The following PPP1R9A variants were observed in gnomAD, a reference collection of about 807,000 sequenced individuals.
PPP1R9A encodes protein phosphatase 1 regulatory subunit 9A, also known as neurabin-1.
In PPP1R9A, 59 loss-of-function variants were observed where a neutral mutation model predicts 141.9. That is an observed-to-expected ratio of 0.42 (90% CI 0.34 to 0.52). The LOEUF is 0.52. Ranked by LOEUF, PPP1R9A falls within the 20% of genes least tolerant of loss-of-function variation. PPP1R9A has a pLI of 0.10. For missense variants in PPP1R9A, 1,444 were observed against 1,611.9 expected, an observed-to-expected ratio of 0.90 and a Z score of 1.78; for synonymous variants, 500 against 569.7, an observed-to-expected ratio of 0.88 and a Z score of 1.74.
intron 4 of PPP1R9A, among the ~76,000 whole-genome samples, chr7:95,140,906 A>G (rs1283408289): frequency 1.3e-5 from 2 of 151,942 alleles, no homozygotes; most frequent in East Asian, 3.9e-4. Flanking sequence ...TTTTTAAAGA[A>G]GTGGGGCTTC....
intron 5 of PPP1R9A, among the ~76,000 whole-genome samples, chr7:95,186,416 A>G (rs1834661283): frequency 6.6e-6 from 1 of 152,104 alleles, no homozygotes; most frequent in Non-Finnish European, 1.5e-5. Flanking sequence ...AGCTTTTTGA[A>G]TGAGTATTTA....
At chr7:95,003,487 A>G (rs1489974608) in intron 2 of PPP1R9A, among the ~76,000 whole-genome samples, 1 of 152,166 alleles carries the variant, frequency 6.6e-6, no homozygotes, top group Non-Finnish European at 1.5e-5. Flanking sequence ...TGAGATTGTT[A>G]AGGGGATGCT....
At position 95,286,131 on chromosome 7, in the gene PPP1R9A, T is replaced by C. The variant is rs1805274147; in HGVS notation, c.3610-75T>C. ...CTAAGATTGTTTAAAAGAGCCCTTT[T>C]AGAGCTTGTAGACACACCTACCTCT... On this transcript the variant is annotated intron_variant, in intron 17 of 19. Coordinates refer to ENST00000433360, the MANE Select transcript of PPP1R9A (RefSeq NM_001166160.2). The C allele has an allele frequency of 1.9e-6, 3 of 1,572,724 alleles. No individual in the cohort carries two copies. In the Admixed American group the frequency reaches 5.3e-5, roughly 28 times the overall value.
intron 2 of PPP1R9A, among the ~76,000 whole-genome samples, chr7:94,976,531 G>A (rs180721506): frequency 2.0e-4 from 30 of 151,970 alleles, no homozygotes; most frequent in African/African-American, 4.3e-4. Context: ...TAGTGGAGAC[G>A]GGGTTTCAGT....
chr7:95,291,719 A>G lies in PPP1R9A; in HGVS notation c.*1416A>G, dbSNP rs927099059. 4.6e-5 allele frequency: 7 copies of G among 152,314 alleles called. No individual in the cohort carries two copies. Among genetic ancestry groups the G allele is most frequent in the Admixed American group, 4.6e-4 (7 of 15,294 alleles). 9.4% of individuals were successfully genotyped at this position (152,314 alleles called of 1,614,324 possible). ...TGAGGTTATCCACTTTCCAAAGGACAAGTTTCAGAATAAGACTTGAGGCCA... is the reference window on the plus strand; with the variant it reads ...TGAGGTTATCCACTTTCCAAAGGACGAGTTTCAGAATAAGACTTGAGGCCA... On this transcript the variant is annotated 3_prime_UTR_variant, in exon 20 of 20. Transcript: ENST00000433360.
At chr7:95,107,253 A>T (rs920121060) in intron 2 of PPP1R9A, among the ~76,000 whole-genome samples, 3 of 152,096 alleles carry the variant, frequency 2.0e-5, no homozygotes, top group African/African-American at 7.2e-5. Flanking sequence ...CTACTTATAC[A>T]TGCAATTGTT....
In PPP1R9A at chr7:95,293,092, C is replaced by T. The variant is rs1806588697; in HGVS notation, c.*2789C>T. The T allele has an allele frequency of 6.6e-6, 1 of 152,076 alleles. No individual in the cohort carries two copies. The highest frequency in any genetic ancestry group is 6.6e-5 in the Admixed American group (1 of 15,256). The allele number at this position is 152,076 out of a possible 1,614,324, so 9.4% of individuals were successfully genotyped here. ...GAGCTCAGTATGATTCTAACAATAG[C>T]CAAAAGTGTTTTGGGGTATAGGTTA... On this transcript the variant is annotated 3_prime_UTR_variant, in exon 20 of 20. Transcript: ENST00000433360.
At chr7:95,029,622 T>G (rs546631089) in intron 2 of PPP1R9A, among the ~76,000 whole-genome samples, 1 of 152,302 alleles carries the variant, frequency 6.6e-6, no homozygotes, top group East Asian at 1.9e-4. Flanking sequence ...ACTTAATAAC[T>G]TTGGTAAAGA....
In PPP1R9A at chr7:95,229,492, C is replaced by A. The variant is rs867062421; in HGVS notation, c.2112+3376C>A. On this transcript the variant is annotated intron_variant, in intron 8 of 19. Coordinates refer to ENST00000433360, the MANE Select transcript of PPP1R9A (RefSeq NM_001166160.2). The stretch of plus-strand genomic sequence containing the variant: ...GGGAGCAGAGTGAGGCCTATGACTT[C>A]CGGCTTTCCCCCACTTCCCTGGTGG... Among the ~76,000 whole-genome samples, 8 of 151,990 alleles carry A rather than the reference C, an allele frequency of 5.3e-5. No homozygotes were observed. The South Asian group carries it at 1.5e-3, about 28-fold the overall frequency.
intron 4 of PPP1R9A, among the ~76,000 whole-genome samples, chr7:95,160,169 AAC>A (rs1358091997): frequency 1.3e-5 from 2 of 152,080 alleles, no homozygotes; most frequent in Non-Finnish European, 2.9e-5. Context: ...CATAAGTATG[AAC>A]ACACACAAAA....
intron 2 of PPP1R9A, among the ~76,000 whole-genome samples, chr7:95,108,385 A>G (rs1819950447): frequency 7.9e-6 from 1 of 126,030 alleles, no homozygotes; most frequent in South Asian, 2.3e-4. Context: ...GCGGGAGCTC[A>G]CTGCAATCTC....
intron 2 of PPP1R9A, among the ~76,000 whole-genome samples, chr7:95,080,561 A>C (rs867660227): frequency 5.9e-5 from 9 of 152,162 alleles, no homozygotes; most frequent in African/African-American, 1.9e-4. Flanking sequence ...ACTACCAATG[A>C]CTTTCTTCAC....
In PPP1R9A at chr7:95,284,070, C is replaced by G. The variant is rs1804803104; in HGVS notation, c.3349C>G (p.Gln1117Glu). The change falls in exon 17 of 20, where the codon CAG (glutamine) becomes GAG (glutamate). Residue 1117 changes from glutamine (Q) to glutamate (E), a missense_variant. Gln to Glu is a conservative substitution (Grantham distance 29). Transcript: ENST00000433360. Reference sequence around the variant, plus strand: ...GACACCCAAGCCATGTTCAACAGCTCAGACCTCCACTCGTTCCCCTTGCAT... The same window carrying G: ...GACACCCAAGCCATGTTCAACAGCTGAGACCTCCACTCGTTCCCCTTGCAT... ...NWTPKPCSTA[Q>E]TSTRSPCMPF... The G allele has an allele frequency of 2.5e-6, 4 of 1,598,070 alleles. No individual in the cohort carries two copies. Among genetic ancestry groups the G allele is most frequent in the Non-Finnish European group, 3.4e-6 (4 of 1,178,578 alleles).
Position 95,054,114 on chromosome 7 carries a change from G to GTT in PPP1R9A, c.1396-57128_1396-57127dup, listed in dbSNP as rs368824046. Among the ~76,000 whole-genome samples the GTT allele has an allele frequency of 3.2e-3, 421 of 132,674 alleles. 4 individuals carry two copies. The highest frequency in any genetic ancestry group is 8.0e-3 in the African/African-American group (285 of 35,786). The allele number at this position is 132,674 out of a possible 152,430, so 87.0% of individuals were successfully genotyped here. ...GCTTCCTCCAGTGGTTCCCCACTGT[G>GTT]TTTTTTTTTTTTTTTTTTCTGAGAG... On this transcript the variant is annotated intron_variant, in intron 2 of 19. Transcript: ENST00000433360.
chr7:95,120,032 C>T (rs1320526997), intron 3 of PPP1R9A, among the ~76,000 whole-genome samples: 1 of 144,240 alleles, frequency 6.9e-6, no homozygotes, highest in Non-Finnish European at 1.5e-5. Context: ...TCTTGGCTCA[C>T]TGCAACCTCC....
At chr7:95,100,814 C>T (rs1174228511) in intron 2 of PPP1R9A, among the ~76,000 whole-genome samples, 7 of 146,278 alleles carry the variant, frequency 4.8e-5, no homozygotes, top group Non-Finnish European at 9.0e-5. Flanking sequence ...GAGATTAATG[C>T]TTTTGACACA....
At chr7:95,154,526 A>AT (rs35927611) in intron 4 of PPP1R9A, among the ~76,000 whole-genome samples, 1 of 152,090 alleles carries the variant, frequency 6.6e-6, no homozygotes, top group South Asian at 2.1e-4. Context: ...TTTAAGAAGA[A>AT]TTTTTTCCCT....
intron 2 of PPP1R9A, among the ~76,000 whole-genome samples, chr7:94,980,264 C>T (rs756878107): frequency 3.3e-5 from 5 of 151,998 alleles, no homozygotes; most frequent in African/African-American, 9.7e-5. Context: ...CTTTCAAAGC[C>T]ACCCTGGGCC....
At chr7:94,927,568 GAA>G (rs1288721084) in intron 2 of PPP1R9A, among the ~76,000 whole-genome samples, 27 of 152,272 alleles carry the variant, frequency 1.8e-4, no homozygotes, top group Middle Eastern at 3.4e-3. Flanking sequence ...GCTATTTAGA[GAA>G]GCATTGTCTT....
Sources: gnomAD v4.1 joint callset for allele counts (sites outside exome capture counted in the v4.1 genomes callset) on GRCh38, gnomAD v4.1.1 for gene constraint, MANE v1.5 for transcripts, NCBI Gene and HGNC (gene_info 2026-07-23, HGNC 2026-07-21) for gene names.